Variants in STT3B observed in about 807,000 individuals in gnomAD.
STT3B encodes the protein STT3 oligosaccharyltransferase complex catalytic subunit B.
STT3B carries 29 observed loss-of-function variants against 96.8 expected under a neutral mutation model. The observed-to-expected ratio is 0.30, with a 90% CI of 0.22 to 0.41. The LOEUF (loss-of-function observed/expected upper bound fraction) is 0.41. Among genes scored for constraint, STT3B ranks in the 10% least tolerant of loss-of-function variants. The pLI, the probability that STT3B is intolerant of heterozygous loss-of-function variation, is 1.00. For missense variants in STT3B, 640 were observed against 1,022.3 expected, an observed-to-expected ratio of 0.63 and a Z score of 5.10; for synonymous variants, 367 against 360.0, an observed-to-expected ratio of 1.02 and a Z score of -0.22.
At chr3:31,591,106 C>G (rs374953617) in intron 3 of STT3B, among the ~76,000 whole-genome samples, 1 of 151,994 alleles carries the variant, frequency 6.6e-6, no homozygotes, top group Admixed American at 6.6e-5. Context: ...GAAACTGTTT[C>G]TTCTTTTAGT....
rs746754679 is a variant in STT3B at position 31,622,064 on chromosome 3, T to TC, written c.1328-31dup. ...TTCAGTTTCCTGGGAACTTTTTCCC[T>TC]CCAACATATTGTAAGAGAATTTGTC... On this transcript the variant is annotated intron_variant, in intron 9 of 15. Transcript: ENST00000295770. 3.1e-6 allele frequency: 5 copies of TC among 1,588,176 alleles called. No individual in the cohort carries two copies. In the African/African-American group the frequency reaches 5.4e-5, roughly 17 times the overall value.
intron 5 of STT3B, among the ~76,000 whole-genome samples, chr3:31,604,349 C>T (rs1251006592): frequency 1.3e-5 from 2 of 152,010 alleles, no homozygotes; most frequent in Non-Finnish European, 2.9e-5. Context: ...TTAGGAGTCA[C>T]ATTTATACTT....
intron 15 of STT3B, among the ~76,000 whole-genome samples, chr3:31,633,530 T>G (rs1699703858): frequency 1.3e-5 from 2 of 152,164 alleles, no homozygotes; most frequent in East Asian, 1.9e-4. Context: ...AGTATGATGT[T>G]ACTCTATTAT....
At chr3:31,587,875 A>G (rs954195487) in intron 3 of STT3B, among the ~76,000 whole-genome samples, 1 of 152,134 alleles carries the variant, frequency 6.6e-6, no homozygotes, top group African/African-American at 2.4e-5. Context: ...AAGGATGCTG[A>G]ACTTCTATCC....
chr3:31,626,137 T>G lies in STT3B; in HGVS notation c.2073+10T>G. ...TCCCAAAGACATTCGGGTAAGAAAC[T>G]AGATAATTCCAGGTATGTGAAAGAT... On this transcript the variant is annotated intron_variant, in intron 13 of 15. Coordinates refer to ENST00000295770, the MANE Select transcript of STT3B (RefSeq NM_178862.3). 1 of 1,609,166 alleles carries G rather than the reference T, an allele frequency of 6.2e-7. No individual in the cohort carries two copies. Among genetic ancestry groups the G allele is most frequent in the Non-Finnish European group, 8.5e-7 (1 of 1,177,368 alleles).
intron 5 of STT3B, among the ~76,000 whole-genome samples, chr3:31,614,671 A>C (rs1699264302): frequency 6.6e-6 from 1 of 151,914 alleles, no homozygotes; most frequent in African/African-American, 2.4e-5. Flanking sequence ...AGAGCTTTTG[A>C]GACAGTAGCA....
At chr3:31,566,199 C>T (rs543626639) in intron 1 of STT3B, among the ~76,000 whole-genome samples, 53 of 152,262 alleles carry the variant, frequency 3.5e-4, no homozygotes, top group African/African-American at 9.6e-4. Context: ...CTTTAAGGTT[C>T]GCAGTGCCCA....
At chr3:31,627,233 A>G (rs1036259876) in intron 13 of STT3B, among the ~76,000 whole-genome samples, 6 of 152,174 alleles carry the variant, frequency 3.9e-5, no homozygotes, top group African/African-American at 7.2e-5. Flanking sequence ...TCCGCCTCCT[A>G]TCAGACCAGC....
Position 31,548,494 on chromosome 3 carries a change from A to AGT in STT3B, c.314+15183_314+15184dup, listed in dbSNP as rs534357729. On this transcript the variant is annotated intron_variant, in intron 1 of 15. Transcript: ENST00000295770. ...ATTCTCAAAATAAATTTTAAAATAG[A>AGT]GTATACCAAACATGCTATTCTCTGA... Among the ~76,000 whole-genome samples the AGT allele has an allele frequency of 9.8e-5, 15 of 152,328 alleles. No individual in the cohort carries two copies. The East Asian group carries it at 2.7e-3, about 27-fold the overall frequency.
chr3:31,552,617 G>A (rs1357706779), intron 1 of STT3B, among the ~76,000 whole-genome samples: 2 of 151,732 alleles, frequency 1.3e-5, no homozygotes, highest in Non-Finnish European at 2.9e-5. Context: ...TAACCCTTAC[G>A]AGTGTTCTTT....
At chr3:31,574,098 A>G (rs980510661) in intron 1 of STT3B, among the ~76,000 whole-genome samples, 3 of 152,152 alleles carry the variant, frequency 2.0e-5, no homozygotes, top group African/African-American at 7.2e-5. Flanking sequence ...CCTTGAAGTC[A>G]GTTTTTTAAA....
At chr3:31,545,631 TTAGTTTCCCCCTTAGCACTAGGCA>T (rs11266947) in intron 1 of STT3B, among the ~76,000 whole-genome samples, 86,916 of 152,004 alleles carry the variant, frequency 0.57, 27,751 homozygotes, top group Non-Finnish European at 0.72. Context: ...GCCTGTCCCC[TTAGTTTCCCCCTTAGCACTAGGCA>T]ACATTATGCT....
At chr3:31,633,278 A>G in intron 15 of STT3B, 131 bp downstream of exon 15, 1 of 767,924 alleles carries the variant, frequency 1.3e-6, no homozygotes, top group Non-Finnish European at 2.0e-6. Context: ...ATTAATACGA[A>G]GTAAATATCA....
At chr3:31,635,915 G>A (rs1432365501) in intron 15 of STT3B, 69 bp from the exon 16 acceptor site, 3 of 1,136,812 alleles carry the variant, frequency 2.6e-6, no homozygotes, top group Admixed American at 4.2e-5. Context: ...AGTAAACCAT[G>A]TGTGTGTTTA....
intron 14 of STT3B, 98 bp downstream of exon 14, chr3:31,629,509 G>T: frequency 1.6e-6 from 1 of 624,962 alleles, no homozygotes; most frequent in Non-Finnish European, 2.7e-6. Context: ...TTTTGATTGT[G>T]CTGAAGAGAA....
intron 1 of STT3B, 59 bp downstream of exon 1, chr3:31,533,371 T>A: frequency 7.2e-7 from 1 of 1,386,362 alleles, no homozygotes; most frequent in Admixed American, 2.7e-5. Flanking sequence ...GACCCGCTCC[T>A]CCGCCCGCCG....
At chr3:31,630,803 TG>T (rs1553609044) in intron 14 of STT3B, among the ~76,000 whole-genome samples, 1 of 141,866 alleles carries the variant, frequency 7.0e-6, no homozygotes, top group Non-Finnish European at 1.6e-5. Context: ...GTGTTTTTTT[TG>T]TTTTTTTTTT....
intron 1 of STT3B, among the ~76,000 whole-genome samples, chr3:31,574,537 C>T (rs1015593817): frequency 1.3e-5 from 2 of 152,066 alleles, no homozygotes; most frequent in Non-Finnish European, 2.9e-5. Flanking sequence ...AATACAATCA[C>T]TACTTTGTTT....
At chr3:31,579,477 TAAAAAAAAAAAA>T (rs1173591549) in intron 2 of STT3B, among the ~76,000 whole-genome samples, 1 of 67,448 alleles carries the variant, frequency 1.5e-5, no homozygotes, top group Non-Finnish European at 2.7e-5. Context: ...CCTGTTTTGA[TAAAAAAAAAAAA>T]AAAAAAAAAA....
Sources: gnomAD v4.1 joint callset for allele counts (sites outside exome capture counted in the v4.1 genomes callset) on GRCh38, gnomAD v4.1.1 for gene constraint, MANE v1.5 for transcripts, NCBI Gene and HGNC (gene_info 2026-07-23, HGNC 2026-07-21) for gene names.